Variants in GRID1 observed in about 807,000 individuals in gnomAD.
GRID1 encodes glutamate receptor ionotropic, delta-1.
Under a neutral mutation model 98.0 loss-of-function variants are expected in GRID1, and 28 were observed. That is an observed-to-expected ratio of 0.29 (90% confidence interval 0.21 to 0.39). The LOEUF is 0.39. GRID1 is among the 10% of genes least tolerant of loss of function. GRID1 has a pLI of 1.00. For synonymous variants in GRID1, 553 were observed against 538.5 expected (o/e 1.03, Z -0.37); for missense variants, 1,111 against 1,340.5 (o/e 0.83, Z 2.67).
intron 12 of GRID1, among the ~76,000 whole-genome samples, chr10:85,702,084 A>G (rs1841457831): frequency 6.6e-6 from 1 of 152,190 alleles, no homozygotes; most frequent in Admixed American, 6.6e-5. Context: ...TGTTAAAGAT[A>G]CTAAAGAATA....
chr10:85,609,367 G>A (rs1456227499), intron 15 of GRID1, among the ~76,000 whole-genome samples: 5 of 152,200 alleles, frequency 3.3e-5, no homozygotes, highest in South Asian at 2.1e-4. Context: ...ACAACCAAGC[G>A]TGTCTCTGGG....
At chr10:86,094,214 T>C (rs1289903542) in intron 4 of GRID1, among the ~76,000 whole-genome samples, 1 of 152,162 alleles carries the variant, frequency 6.6e-6, no homozygotes, top group Non-Finnish European at 1.5e-5. Flanking sequence ...ATAAAAGCCA[T>C]CTATGACAAA....
chr10:85,698,528 T>C (rs1841418232), intron 12 of GRID1, among the ~76,000 whole-genome samples: 1 of 150,472 alleles, frequency 6.6e-6, no homozygotes. Context: ...TCATATTCCA[T>C]TGTCTGGATG....
chr10:86,080,454 GAGGGGAGGGGAGGGA>G (rs1222645923), intron 4 of GRID1, among the ~76,000 whole-genome samples: 10 of 22,418 alleles, frequency 4.5e-4, no homozygotes, highest in African/African-American at 1.4e-3. Context: ...GAGGGGAGGG[GAGGGGAGGGGAGGGA>G]AGGGAAGGGA....
intron 8 of GRID1, among the ~76,000 whole-genome samples, chr10:85,834,177 CAT>C (rs544667490): frequency 1.8e-4 from 27 of 152,234 alleles, no homozygotes; most frequent in African/African-American, 6.3e-4. Context: ...CATGTCAAGA[CAT>C]ATCATAATAA....
chr10:85,814,302 G>C (rs1046715033), intron 8 of GRID1, among the ~76,000 whole-genome samples: 5 of 151,690 alleles, frequency 3.3e-5, no homozygotes, highest in Admixed American at 1.3e-4. Context: ...AGGACTTAGA[G>C]GGAAATGTGT....
At chr10:85,658,117 G>A (rs1237522130) in intron 12 of GRID1, among the ~76,000 whole-genome samples, 1 of 152,194 alleles carries the variant, frequency 6.6e-6, no homozygotes, top group African/African-American at 2.4e-5. Context: ...AGGCTGTGAA[G>A]GTGCCTTCTT....
chr10:86,087,923 G>C (rs1414752267), intron 4 of GRID1, among the ~76,000 whole-genome samples: 1 of 152,118 alleles, frequency 6.6e-6, no homozygotes, highest in Non-Finnish European at 1.5e-5. Flanking sequence ...CACCCCCTCT[G>C]TCCTCTATCT....
chr10:85,828,640 A>G (rs1477521916), intron 8 of GRID1, among the ~76,000 whole-genome samples: 1 of 152,076 alleles, frequency 6.6e-6, no homozygotes, highest in African/African-American at 2.4e-5. Context: ...TGCAAAAAAA[A>G]ACCCAGTGAC....
intron 3 of GRID1, among the ~76,000 whole-genome samples, chr10:86,148,410 T>C (rs1210842004): frequency 6.6e-6 from 1 of 152,086 alleles, no homozygotes; most frequent in African/African-American, 2.4e-5. Context: ...AAGTGGAATG[T>C]GAAAAAGTTG....
intron 12 of GRID1, among the ~76,000 whole-genome samples, chr10:85,665,313 A>G (rs1277349467): frequency 6.6e-6 from 1 of 152,166 alleles, no homozygotes; most frequent in Non-Finnish European, 1.5e-5. Context: ...AAAGTCCTCT[A>G]AAGAGCTACC....
chr10:85,997,616 T>C (rs1404558736), intron 4 of GRID1, among the ~76,000 whole-genome samples: 2 of 151,636 alleles, frequency 1.3e-5, no homozygotes, highest in African/African-American at 4.9e-5. Flanking sequence ...CCAAAAGGAA[T>C]GGTAAAAAAT....
intron 4 of GRID1, among the ~76,000 whole-genome samples, chr10:86,045,098 T>C (rs1376626419): frequency 6.6e-6 from 1 of 152,242 alleles, no homozygotes; most frequent in African/African-American, 2.4e-5. Context: ...GTAGCAAGTG[T>C]TGTCAAGAGT....
At chr10:86,330,110 C>G (rs535416795) in intron 2 of GRID1, among the ~76,000 whole-genome samples, 1 of 152,100 alleles carries the variant, frequency 6.6e-6, no homozygotes, top group East Asian at 1.9e-4. Context: ...TGGACGAGAC[C>G]GTGACTCCCC....
intron 6 of GRID1, among the ~76,000 whole-genome samples, chr10:85,858,434 G>T (rs1035954279): frequency 6.6e-6 from 1 of 152,158 alleles, no homozygotes; most frequent in Non-Finnish European, 1.5e-5. Flanking sequence ...TGACAGAACT[G>T]TGCCCTCAGC....
chr10:85,637,725 T>C (rs1843066033), intron 13 of GRID1, among the ~76,000 whole-genome samples: 1 of 152,262 alleles, frequency 6.6e-6, no homozygotes. Flanking sequence ...CTCACACTTT[T>C]ATCTTCAAAT....
chr10:86,050,164 A>G (rs1226338476), intron 4 of GRID1, among the ~76,000 whole-genome samples: 3 of 152,194 alleles, frequency 2.0e-5, no homozygotes, highest in Non-Finnish European at 4.4e-5. Flanking sequence ...GACCAAGGAG[A>G]CAGGGCGTCA....
chr10:86,210,714 G>A (rs533578906), intron 2 of GRID1, among the ~76,000 whole-genome samples: 19 of 152,374 alleles, frequency 1.2e-4, no homozygotes, highest in South Asian at 4.1e-4. Context: ...TCTCCCAGGC[G>A]CTAATGGAGA....
At chr10:85,956,716 C>T (rs1842199366) in intron 4 of GRID1, among the ~76,000 whole-genome samples, 1 of 152,170 alleles carries the variant, frequency 6.6e-6, no homozygotes, top group Non-Finnish European at 1.5e-5. Flanking sequence ...CCCTTTCTCC[C>T]ATTTAGGAGT....
Sources: gnomAD v4.1 joint callset for allele counts (sites outside exome capture counted in the v4.1 genomes callset) on GRCh38, gnomAD v4.1.1 for gene constraint, MANE v1.5 for transcripts, NCBI Gene and HGNC (gene_info 2026-07-23, HGNC 2026-07-21) for gene names.